The following TMEM123 variants were observed in gnomAD, a reference collection of about 807,000 sequenced individuals.
TMEM123 encodes transmembrane protein 123.
A neutral mutation model predicts 19.7 loss-of-function variants in TMEM123; 16 were observed. The ratio of observed to expected loss-of-function variants is 0.81; its 90% CI spans 0.55 to 1.23. The LOEUF is 1.23. Ranked by LOEUF, TMEM123 falls within the 50% of genes most tolerant of loss-of-function variation. TMEM123 has a pLI of 0.00. For synonymous variants in TMEM123, 118 were observed against 99.4 expected (o/e 1.19, Z -1.12); for missense variants, 313 against 257.8 (o/e 1.21, Z -1.47).
chr11:102,452,191 A>C (rs1291412250), intron 1 of TMEM123: 5 of 222,510 alleles, frequency 2.2e-5, no homozygotes, highest in East Asian at 9.2e-5. Flanking sequence ...TAGAAACTCT[A>C]ACCTCGGCAA....
intron 2 of TMEM123, among the ~76,000 whole-genome samples, chr11:102,428,824 T>C (rs1433484780): frequency 6.6e-6 from 1 of 152,160 alleles, no homozygotes; most frequent in Non-Finnish European, 1.5e-5. Flanking sequence ...AGCAGATGTT[T>C]CTGAAGAGAA....
intron 2 of TMEM123, among the ~76,000 whole-genome samples, chr11:102,419,863 T>G (rs151093787): frequency 6.6e-6 from 1 of 152,346 alleles, no homozygotes; most frequent in African/African-American, 2.4e-5. Context: ...CTCCCATGCT[T>G]GGAATGGCTT....
chr11:102,434,493 C>A (rs995723702), intron 2 of TMEM123, among the ~76,000 whole-genome samples: 1 of 151,648 alleles, frequency 6.6e-6, no homozygotes, highest in Non-Finnish European at 1.5e-5. Context: ...TAATACTAAC[C>A]CTTTAACAAA....
chr11:102,449,064 T>A, intron 1 of TMEM123, 196 bp from the exon 2 acceptor site: 1 of 533,358 alleles, frequency 1.9e-6, no homozygotes, highest in Non-Finnish European at 3.4e-6. Flanking sequence ...ATTACCAGGT[T>A]TTTCAAGATA....
intron 2 of TMEM123, among the ~76,000 whole-genome samples, chr11:102,407,927 C>T (rs1183918867): frequency 6.6e-6 from 1 of 152,142 alleles, no homozygotes. Context: ...AAGGTTTTTT[C>T]ATTTATAAAA....
chr11:102,408,745 G>C (rs1305786436), intron 2 of TMEM123, among the ~76,000 whole-genome samples: 1 of 152,180 alleles, frequency 6.6e-6, no homozygotes, highest in Admixed American at 6.5e-5. Flanking sequence ...CATGGTTACC[G>C]TAACTACCAT....
At chr11:102,428,513 G>A (rs1413613287) in intron 2 of TMEM123, among the ~76,000 whole-genome samples, 1 of 149,840 alleles carries the variant, frequency 6.7e-6, no homozygotes, top group African/African-American at 2.5e-5. Flanking sequence ...TGCCATGTTG[G>A]CCAGGCTGCT....
intron 2 of TMEM123, among the ~76,000 whole-genome samples, chr11:102,435,739 G>T (rs528583804): frequency 1.3e-5 from 2 of 152,050 alleles, no homozygotes; most frequent in South Asian, 4.1e-4. Context: ...GAATTGTGTG[G>T]CCATAAAAGA....
Position 102,438,592 on chromosome 11 carries a change from T to C in TMEM123, c.157+10220A>G, listed in dbSNP as rs7945513. Among the ~76,000 whole-genome samples the C allele has an allele frequency of 6.4e-3, 976 of 152,266 alleles. 17 individuals carry two copies. Among genetic ancestry groups the C allele is most frequent in the African/African-American group, 0.022 (922 of 41,546 alleles). On this transcript the variant is annotated intron_variant, in intron 2 of 4. Coordinates refer to ENST00000398136, the MANE Select transcript of TMEM123 (RefSeq NM_052932.3). ...CTACATTTCATTCCTTTAAACAAAA[T>C]TGGATGATGTTAAAAATTACCAGCA...
chr11:102,422,830 T>A (rs906100288), intron 2 of TMEM123, among the ~76,000 whole-genome samples: 15 of 152,224 alleles, frequency 9.9e-5, no homozygotes, highest in African/African-American at 3.6e-4. Context: ...ATTTTTATCC[T>A]AAGAGCTATG....
chr11:102,445,505 C>T (rs1441662310), intron 2 of TMEM123, among the ~76,000 whole-genome samples: 1 of 152,206 alleles, frequency 6.6e-6, no homozygotes. Context: ...AAGTTTCCAT[C>T]TAATATTCTT....
At chr11:102,413,936 G>A (rs1274670046) in intron 2 of TMEM123, among the ~76,000 whole-genome samples, 2 of 152,202 alleles carry the variant, frequency 1.3e-5, no homozygotes, top group East Asian at 3.8e-4. Flanking sequence ...GGACAAAGTT[G>A]AAGCCCAATC....
chr11:102,431,996 G>A (rs1857715661), intron 2 of TMEM123, among the ~76,000 whole-genome samples: 1 of 152,166 alleles, frequency 6.6e-6, no homozygotes. Context: ...CTAGCCATGT[G>A]GAACTGAGTC....
intron 2 of TMEM123, among the ~76,000 whole-genome samples, chr11:102,430,173 G>C (rs1395790175): frequency 3.3e-5 from 5 of 152,224 alleles, no homozygotes; most frequent in Non-Finnish European, 7.3e-5. Flanking sequence ...CCCCTGTTAA[G>C]TGAGAAGACC....
At position 102,402,061 on chromosome 11, in the gene TMEM123, C is replaced by T; in HGVS notation, c.303G>A (p.Gly101=). The change falls in exon 3 of 5, where the codon GGG becomes GGA. Residue 101 remains glycine (G), a synonymous_variant. Coordinates refer to ENST00000398136, the MANE Select transcript of TMEM123 (RefSeq NM_052932.3). ...TAGAAGTCATATTTGTTGAGACCAT[C>T]CCTGGTGTTGTTGTATTAGATGCCG... is the stretch of plus-strand genomic sequence containing the variant. ...PTAASNTTTP[G]MVSTNMTSTT... is the part of the protein sequence containing the mutation. 3 of 1,613,964 alleles carry T rather than the reference C, an allele frequency of 1.9e-6. No homozygotes were observed. Among genetic ancestry groups the T allele is most frequent in the Middle Eastern group, 3.3e-4 (2 of 6,062 alleles).
chr11:102,399,881 A>T (rs1408558211), intron 4 of TMEM123, among the ~76,000 whole-genome samples: 2 of 151,942 alleles, frequency 1.3e-5, no homozygotes, highest in Non-Finnish European at 2.9e-5. Context: ...GAGGCAGGAG[A>T]ATAGCTTGAA....
intron 1 of TMEM123, among the ~76,000 whole-genome samples, chr11:102,451,644 C>CT (rs1219216980): frequency 2.0e-5 from 3 of 152,232 alleles, no homozygotes; most frequent in African/African-American, 7.2e-5. Context: ...CCTGACTTCT[C>CT]TAACAGTTGA....
intron 1 of TMEM123, 156 bp downstream of exon 1, chr11:102,452,366 TCA>T (rs1052956030): frequency 9.4e-5 from 51 of 541,318 alleles, no homozygotes; most frequent in Non-Finnish European, 1.4e-4. Context: ...GGTCCAAACC[TCA>T]GTTTCCCCCA....
intron 4 of TMEM123, 151 bp from the exon 5 acceptor site, chr11:102,399,042 A>G (rs964585335): frequency 6.1e-5 from 41 of 670,220 alleles, no homozygotes; most frequent in Middle Eastern, 7.9e-4. Context: ...TAAGTATCCA[A>G]TATACTGTAG....
Sources: allele counts gnomAD v4.1 joint callset (sites outside exome capture counted in the v4.1 genomes callset), GRCh38; gene constraint gnomAD v4.1.1; transcripts MANE v1.5; gene names NCBI Gene and HGNC (gene_info 2026-07-23, HGNC 2026-07-21).